The following NRXN3 variants were observed in gnomAD, a reference collection of about 807,000 sequenced individuals.
NRXN3 encodes the protein neurexin III.
In NRXN3, 32 loss-of-function variants were observed where a neutral mutation model predicts 137.6. The ratio of observed to expected loss-of-function variants is 0.23; its 90% CI spans 0.18 to 0.31. The LOEUF is 0.31. Among genes scored for constraint, NRXN3 ranks in the 10% least tolerant of loss-of-function variants. The pLI is 1.00. For missense variants in NRXN3, 1,574 were observed against 2,062.5 expected (o/e 0.76, Z 4.59); for synonymous variants, 798 against 784.5 (o/e 1.02, Z -0.29).
In NRXN3 at chr14:79,284,343, CATATATATATATATAT is replaced by C. The variant is rs60596302; in HGVS notation, c.3263-182851_3263-182836del. On this transcript the variant is annotated intron_variant, in intron 15 of 20. Transcript: ENST00000335750. ...GGAAACCCCGTCTCTACTAAAAATACATATATATATATATATATATATATATATATATATATATATA... is the reference window on the plus strand; with the variant it reads ...GGAAACCCCGTCTCTACTAAAAATACATATATATATATATATATATATATA... 5.9e-3 allele frequency among the ~76,000 whole-genome samples: 383 copies of C among 65,098 alleles called. 6 individuals carry two copies. Among genetic ancestry groups the C allele is most frequent in the African/African-American group, 0.016 (311 of 19,300 alleles). 42.7% of individuals were successfully genotyped at this position (65,098 alleles called of 152,430 possible).
intron 16 of NRXN3, among the ~76,000 whole-genome samples, chr14:79,630,033 C>T (rs1244496209): frequency 6.6e-6 from 1 of 152,124 alleles, no homozygotes; most frequent in African/African-American, 2.4e-5. Flanking sequence ...ACCTATGAAC[C>T]TAGCTGCTGT....
rs1481984168 is a variant in NRXN3, at chr14:79,279,685, G to T, written c.3263-187536G>T. 5.1e-6 allele frequency: 5 copies of T among 985,960 alleles called. No individual in the cohort carries two copies. In the African/African-American group the frequency reaches 7.0e-5, roughly 14 times the overall value. 61.1% of individuals were successfully genotyped at this position (985,960 alleles called of 1,614,324 possible). ...CTGCTCCGTGGCGCTAGTCCAGCAC[G>T]CCCAGGGTTAAAAGCCTCGCGCCCT... On this transcript the variant is annotated intron_variant, in intron 15 of 20. Coordinates refer to ENST00000335750, the MANE Select transcript of NRXN3 (RefSeq NM_001330195.2).
At chr14:79,454,276 G>A (rs981230755) in intron 15 of NRXN3, among the ~76,000 whole-genome samples, 18 of 152,158 alleles carry the variant, frequency 1.2e-4, no homozygotes, top group Middle Eastern at 3.4e-3. Flanking sequence ...TAGAGACGGG[G>A]TTTCACCATG....
intron 6 of NRXN3, among the ~76,000 whole-genome samples, chr14:78,674,590 A>G (rs2097979416): frequency 6.6e-6 from 1 of 152,170 alleles, no homozygotes; most frequent in Non-Finnish European, 1.5e-5. Context: ...GGCTGGGGCA[A>G]AAGAAGTTGT....
chr14:79,700,762 T>G lies in NRXN3; in HGVS notation c.4014+2825T>G, dbSNP rs1167090209. ...TAGCCTCTTAGAAGTAATTGGTGCT[T>G]TGATCTTTCTGATTCCATTTTGTTA... is the stretch of plus-strand genomic sequence containing the variant. On this transcript the variant is annotated intron_variant, in intron 19 of 20. Transcript: ENST00000335750. Among the ~76,000 whole-genome samples the G allele has an allele frequency of 3.3e-5, 5 of 152,054 alleles. No homozygotes were observed. The East Asian group carries it at 9.7e-4, about 29-fold the overall frequency.
chr14:79,581,088 T>C (rs548545858), intron 16 of NRXN3, among the ~76,000 whole-genome samples: 38 of 152,292 alleles, frequency 2.5e-4, no homozygotes, highest in Non-Finnish European at 4.0e-4. Flanking sequence ...GTGGGGACTC[T>C]GCTGGCTTCT....
At chr14:79,804,005 G>A (rs987015219) in intron 19 of NRXN3, among the ~76,000 whole-genome samples, 1 of 149,324 alleles carries the variant, frequency 6.7e-6, no homozygotes, top group Admixed American at 6.7e-5. Flanking sequence ...ATGTATGTAT[G>A]TATATGTATG....
intron 16 of NRXN3, among the ~76,000 whole-genome samples, chr14:79,509,356 A>G (rs914566022): frequency 2.0e-5 from 3 of 152,052 alleles, no homozygotes; most frequent in Non-Finnish European, 4.4e-5. Context: ...AAATACACAC[A>G]CGCAAAAATA....
intron 6 of NRXN3, among the ~76,000 whole-genome samples, chr14:78,657,893 T>C (rs1422280347): frequency 6.6e-6 from 1 of 152,354 alleles, no homozygotes; most frequent in African/African-American, 2.4e-5. Context: ...TGCTGTCTCT[T>C]GTTGCTATCT....
intron 15 of NRXN3, among the ~76,000 whole-genome samples, chr14:79,392,167 C>T (rs959958412): frequency 2.0e-5 from 3 of 152,110 alleles, no homozygotes; most frequent in African/African-American, 4.8e-5. Flanking sequence ...CCAACAGGTC[C>T]TGGTGTGTGA....
At chr14:79,696,849 T>G (rs2098737355) in intron 18 of NRXN3, among the ~76,000 whole-genome samples, 1 of 151,922 alleles carries the variant, frequency 6.6e-6, no homozygotes, top group Non-Finnish European at 1.5e-5. Context: ...TTTAAAAAAT[T>G]TATTAAATCT....
At chr14:78,773,962 C>T (rs2098736984) in intron 8 of NRXN3, among the ~76,000 whole-genome samples, 1 of 152,044 alleles carries the variant, frequency 6.6e-6, no homozygotes, top group Non-Finnish European at 1.5e-5. Flanking sequence ...CCACCACACC[C>T]AACTAATTTT....
chr14:78,375,654 T>C (rs2087680495), intron 4 of NRXN3, among the ~76,000 whole-genome samples: 1 of 152,174 alleles, frequency 6.6e-6, no homozygotes, highest in South Asian at 2.1e-4. Flanking sequence ...TGTTAAGTGC[T>C]GTGAAGAAAA....
At chr14:79,857,842 G>A (rs1464372636) in intron 20 of NRXN3, among the ~76,000 whole-genome samples, 2 of 152,126 alleles carry the variant, frequency 1.3e-5, no homozygotes, top group Non-Finnish European at 2.9e-5. Flanking sequence ...GGTTAGGAAA[G>A]CTTCTACCAC....
At chr14:79,357,573 A>G (rs2093470640) in intron 15 of NRXN3, among the ~76,000 whole-genome samples, 1 of 152,170 alleles carries the variant, frequency 6.6e-6, no homozygotes, top group African/African-American at 2.4e-5. Context: ...GGCTTCTTCC[A>G]GAAGGGCAGG....
intron 15 of NRXN3, among the ~76,000 whole-genome samples, chr14:79,277,691 ACCCCTT>A (rs2080512332): frequency 6.6e-6 from 1 of 152,160 alleles, no homozygotes; most frequent in African/African-American, 2.4e-5. Context: ...TCCATAAACC[ACCCCTT>A]CCCCTTGCTG....
At chr14:78,297,100 A>G (rs965802644) in intron 3 of NRXN3, among the ~76,000 whole-genome samples, 31 of 152,172 alleles carry the variant, frequency 2.0e-4, no homozygotes, top group African/African-American at 6.8e-4. Flanking sequence ...CATACCTTTT[A>G]TAACCATTCA....
chr14:79,193,330 T>C (rs542450984), intron 15 of NRXN3, among the ~76,000 whole-genome samples: 2 of 152,308 alleles, frequency 1.3e-5, no homozygotes, highest in South Asian at 4.1e-4. Flanking sequence ...AGAGATTGGT[T>C]AGAGAGATTT....
chr14:79,038,826 A>T (rs1348119465), intron 15 of NRXN3, among the ~76,000 whole-genome samples: 1 of 152,088 alleles, frequency 6.6e-6, no homozygotes, highest in East Asian at 1.9e-4. Context: ...ATCCCTCGCT[A>T]CCTGGCCTTT....
Sources: allele counts gnomAD v4.1 joint callset (sites outside exome capture counted in the v4.1 genomes callset), GRCh38; gene constraint gnomAD v4.1.1; transcripts MANE v1.5; gene names NCBI Gene and HGNC (gene_info 2026-07-23, HGNC 2026-07-21).